The following LRRC72 variants were observed in gnomAD, a reference collection of about 807,000 sequenced individuals.
LRRC72 encodes the protein leucine rich repeat containing 72.
A neutral mutation model predicts 35.8 loss-of-function variants in LRRC72; 41 were observed. That is an observed-to-expected ratio of 1.15 (90% CI 0.89 to 1.49). The LOEUF (loss-of-function observed/expected upper bound fraction) is 1.49. Among genes scored for constraint, LRRC72 ranks in the 40% most tolerant of loss-of-function variants. The pLI, the probability that LRRC72 is intolerant of heterozygous loss-of-function variation, is 0.00. For missense variants in LRRC72, 389 were observed against 330.7 expected (o/e 1.18, Z -1.37); for synonymous variants, 118 against 119.2 (o/e 0.99, Z 0.07).
intron 7 of LRRC72, among the ~76,000 whole-genome samples, chr7:16,576,543 T>C (rs1783044027): frequency 6.6e-6 from 1 of 152,170 alleles, no homozygotes; most frequent in African/African-American, 2.4e-5. Flanking sequence ...ATCAAATAAG[T>C]ATGGTTAAAA....
intron 3 of LRRC72, among the ~76,000 whole-genome samples, chr7:16,544,695 T>G (rs1400055909): frequency 6.6e-6 from 1 of 152,232 alleles, no homozygotes; most frequent in East Asian, 1.9e-4. Flanking sequence ...AAATTTTCTT[T>G]TATGGATGTC....
chr7:16,576,317 T>C (rs1016503895), intron 7 of LRRC72, among the ~76,000 whole-genome samples: 4 of 152,186 alleles, frequency 2.6e-5, no homozygotes, highest in Non-Finnish European at 5.9e-5. Flanking sequence ...TCTTACCTTA[T>C]GGTGACATTC....
At chr7:16,571,586 A>G (rs927269207) in intron 7 of LRRC72, among the ~76,000 whole-genome samples, 4 of 152,194 alleles carry the variant, frequency 2.6e-5, no homozygotes, top group Admixed American at 2.0e-4. Context: ...CGGGAAGTGC[A>G]AAGGGTTGGA....
At chr7:16,563,375 T>C (rs1000239874) in intron 5 of LRRC72, among the ~76,000 whole-genome samples, 6 of 152,172 alleles carry the variant, frequency 3.9e-5, no homozygotes, top group African/African-American at 1.4e-4. Context: ...CATTTTGATA[T>C]ATCATTGGGT....
chr7:16,544,666 A>T (rs12669346), intron 3 of LRRC72, among the ~76,000 whole-genome samples: 61,990 of 152,084 alleles, frequency 0.41, 12,739 homozygotes, highest in East Asian at 0.51. Flanking sequence ...TAATCTTCTG[A>T]CTTTGCTCGT....
intron 3 of LRRC72, among the ~76,000 whole-genome samples, chr7:16,555,764 G>A (rs550535232): frequency 2.0e-5 from 3 of 148,804 alleles, no homozygotes; most frequent in Non-Finnish European, 4.5e-5. Context: ...GGGTGACAGA[G>A]ACTCCATCTC....
At chr7:16,537,842 G>T in intron 3 of LRRC72, 146 bp downstream of exon 3, 2 of 533,040 alleles carry the variant, frequency 3.8e-6, no homozygotes, top group Non-Finnish European at 6.7e-6. Context: ...ATATATATCT[G>T]GTACATATAT....
rs529305845 is a variant in LRRC72, at chr7:16,537,565, C to A, written c.165-62C>A. Reference sequence around the variant, plus strand: ...ACTACGAAGCCATACTAACTACATGCCCAGACTTACCTATGTGTGAACTAA... The same window carrying A: ...ACTACGAAGCCATACTAACTACATGACCAGACTTACCTATGTGTGAACTAA... On this transcript the variant is annotated intron_variant, in intron 2 of 8. Transcript: ENST00000401542. 111 of 1,027,140 alleles carry A rather than the reference C, an allele frequency of 1.1e-4. 3 individuals are homozygous for A. In the South Asian group the frequency reaches 1.6e-3, roughly 15 times the overall value. The allele number at this position is 1,027,140 out of a possible 1,614,324, so 63.6% of individuals were successfully genotyped here.
chr7:16,578,409 G>T (rs1783081232), intron 7 of LRRC72, among the ~76,000 whole-genome samples: 2 of 152,086 alleles, frequency 1.3e-5, no homozygotes, highest in South Asian at 2.1e-4. Flanking sequence ...GGAGGCAGAG[G>T]TTGCAGTGAG....
At chr7:16,569,594 A>C (rs551100493) in intron 7 of LRRC72, among the ~76,000 whole-genome samples, 7 of 152,304 alleles carry the variant, frequency 4.6e-5, no homozygotes, top group African/African-American at 1.7e-4. Context: ...TGTCAACCTA[A>C]AAAAAGACAT....
chr7:16,552,992 T>A (rs577074555), intron 3 of LRRC72, among the ~76,000 whole-genome samples: 55 of 152,340 alleles, frequency 3.6e-4, no homozygotes, highest in Middle Eastern at 3.4e-3. Context: ...ATATGCTCCT[T>A]CCTAATGAGT....
At chr7:16,568,518 T>C (rs1420145143) in intron 7 of LRRC72, among the ~76,000 whole-genome samples, 2 of 152,154 alleles carry the variant, frequency 1.3e-5, no homozygotes, top group Admixed American at 6.6e-5. Context: ...AGGTCCAATA[T>C]AACTTCAGTA....
chr7:16,578,591 C>G (rs1205403034), intron 7 of LRRC72, among the ~76,000 whole-genome samples: 1 of 152,198 alleles, frequency 6.6e-6, no homozygotes, highest in African/African-American at 2.4e-5. Flanking sequence ...AAACAAATCT[C>G]TATGTATATA....
At chr7:16,529,365 C>T (rs1248257979) in intron 1 of LRRC72, among the ~76,000 whole-genome samples, 1 of 152,160 alleles carries the variant, frequency 6.6e-6, no homozygotes, top group East Asian at 1.9e-4. Flanking sequence ...TGAAATCTTC[C>T]AGCGTGTCCA....
intron 6 of LRRC72, among the ~76,000 whole-genome samples, chr7:16,566,950 T>C (rs2128338223): frequency 6.6e-6 from 1 of 151,912 alleles, no homozygotes; most frequent in Middle Eastern, 3.4e-3. Context: ...AGGCCTATTT[T>C]GCCCCCAAAT....
At chr7:16,544,963 GAAT>G (rs10539833) in intron 3 of LRRC72, among the ~76,000 whole-genome samples, 28,693 of 152,084 alleles carry the variant, frequency 0.19, 2,753 homozygotes, top group Non-Finnish European at 0.2. Context: ...ATTATCTAAA[GAAT>G]AATTGAGATA....
intron 3 of LRRC72, among the ~76,000 whole-genome samples, chr7:16,540,845 G>C (rs972830531): frequency 1.3e-5 from 2 of 152,122 alleles, no homozygotes; most frequent in Admixed American, 1.3e-4. Context: ...CAGCCATGTG[G>C]AACTGTGAGT....
At chr7:16,570,123 G>T (rs1357724614) in intron 7 of LRRC72, among the ~76,000 whole-genome samples, 1 of 152,174 alleles carries the variant, frequency 6.6e-6, no homozygotes, top group East Asian at 1.9e-4. Context: ...GTTCATTGGT[G>T]GAGATTCTGT....
chr7:16,538,238 A>G (rs1782296807), intron 3 of LRRC72, among the ~76,000 whole-genome samples: 2 of 152,108 alleles, frequency 1.3e-5, no homozygotes, highest in Admixed American at 1.3e-4. Flanking sequence ...CTTCCTTCTT[A>G]TCTCCACTTC....
Sources: gnomAD v4.1 joint callset for allele counts (sites outside exome capture counted in the v4.1 genomes callset) on GRCh38, gnomAD v4.1.1 for gene constraint, MANE v1.5 for transcripts, NCBI Gene and HGNC (gene_info 2026-07-23, HGNC 2026-07-21) for gene names.